The following SLC11A1 variants were observed in gnomAD, a reference collection of about 807,000 sequenced individuals.
SLC11A1 encodes solute carrier family 11 member 1.
Under a neutral mutation model 63.2 loss-of-function variants are expected in SLC11A1, and 59 were observed. The observed-to-expected ratio is 0.93, with a 90% CI of 0.76 to 1.16. The LOEUF (loss-of-function observed/expected upper bound fraction) is 1.16. Ranked by LOEUF, SLC11A1 falls within the 50% of genes most tolerant of loss-of-function variation. The pLI is 0.00. For synonymous variants in SLC11A1, 305 were observed against 307.8 expected (o/e 0.99, Z 0.09); for missense variants, 688 against 730.7 (o/e 0.94, Z 0.67).
At chr2:218,383,394 A>T in intron 2 of SLC11A1, 2 of 372,218 alleles carry the variant, frequency 5.4e-6, no homozygotes, top group East Asian at 9.6e-5. Flanking sequence ...AGGACATGTT[A>T]TAGCATTTAG....
At chr2:218,387,983 C>T (rs528282596) in intron 8 of SLC11A1, 28 bp downstream of exon 8, 1 of 1,563,698 alleles carries the variant, frequency 6.4e-7, no homozygotes. Flanking sequence ...GAAAGGAGAC[C>T]CCCTCACTCA....
intron 12 of SLC11A1, among the ~76,000 whole-genome samples, chr2:218,393,874 G>GT (rs1205779739): frequency 6.6e-6 from 1 of 151,962 alleles, no homozygotes; most frequent in Admixed American, 6.6e-5. Context: ...GATGCACTCA[G>GT]TTAAGTTACT....
chr2:218,393,453 G>A (rs978561146), intron 12 of SLC11A1, among the ~76,000 whole-genome samples: 14 of 150,492 alleles, frequency 9.3e-5, no homozygotes, highest in Non-Finnish European at 1.5e-4. Context: ...GACTATAGGT[G>A]CATGCCATCA....
chr2:218,391,464 CG>C lies in SLC11A1; in HGVS notation c.1136del (p.Gly379AlafsTer8). On this transcript the variant is annotated frameshift_variant, in exon 11 of 15. Coordinates refer to ENST00000233202, the MANE Select transcript of SLC11A1 (RefSeq NM_000578.4). LOFTEE classifies it high-confidence loss of function. ...LLAAGQSSTMTGTYAGQFVME... is the reference protein window; with the variant it reads ...LLAAGQSSTMXGTYAGQFVME... Reference sequence around the variant, plus strand: ...GCGGCTGGGCAGAGCTCCACCATGACGGGCACCTACGCGGGACAGTTCGTGA... The same window carrying C: ...GCGGCTGGGCAGAGCTCCACCATGACGGCACCTACGCGGGACAGTTCGTGA... 1 of 1,609,608 alleles carries C rather than the reference CG, an allele frequency of 6.2e-7. No homozygotes were observed. The highest frequency in any genetic ancestry group is 8.5e-7 in the Non-Finnish European group (1 of 1,178,074).
Position 218,395,094 on chromosome 2 carries a change from G to A in SLC11A1, c.*59G>A, listed in dbSNP as rs969333905. ...ATGACGTGACTGGCCTGCTGGATGTGGAGGGGGCGCGTGCAGGCAGCAGGA... is the reference window on the plus strand; with the variant it reads ...ATGACGTGACTGGCCTGCTGGATGTAGAGGGGGCGCGTGCAGGCAGCAGGA... On this transcript the variant is annotated 3_prime_UTR_variant, in exon 15 of 15. Transcript: ENST00000233202. 250 of 1,243,966 alleles carry A rather than the reference G, an allele frequency of 2.0e-4. No individual in the cohort carries two copies. The African/African-American group carries it at 5.4e-3, about 27-fold the overall frequency. The allele number at this position is 1,243,966 out of a possible 1,614,324, so 77.1% of individuals were successfully genotyped here.
At chr2:218,386,836 C>T (rs570403407) in intron 5 of SLC11A1, 95 bp downstream of exon 5, 1 of 884,308 alleles carries the variant, frequency 1.1e-6, no homozygotes, top group South Asian at 1.4e-5. Flanking sequence ...TCTATTTTAT[C>T]CTGCTGTCCC....
At chr2:218,389,314 G>A (rs2106334115) in intron 8 of SLC11A1, among the ~76,000 whole-genome samples, 1 of 151,654 alleles carries the variant, frequency 6.6e-6, no homozygotes, top group South Asian at 2.1e-4. Context: ...TGTAATCTCA[G>A]CATTTTAAGA....
Position 218,384,457 on chromosome 2 carries a change from G to A in SLC11A1, c.273+92G>A. The A allele has an allele frequency of 6.8e-7, 1 of 1,463,044 alleles. No homozygotes were observed. Among genetic ancestry groups the A allele is most frequent in the Non-Finnish European group, 9.3e-7 (1 of 1,079,084 alleles). 90.6% of individuals were successfully genotyped at this position (1,463,044 alleles called of 1,614,324 possible). A position where few individuals can be genotyped will look rare whatever the true frequency, so the allele number is the denominator to read the frequency against. On this transcript the variant is annotated intron_variant, in intron 3 of 14. Transcript: ENST00000233202. This position sits in a 1 kb window ranked among gnomAD's most constrained non-coding sequence, Gnocchi z 4.0. ...CCCCTGCTGGCCATGTTTCTCCAAT[G>A]TGGCCTGGGAGCTGGTGTTAAGTTC...
At chr2:218,392,707 A>G (rs949908970) in intron 11 of SLC11A1, 3 of 390,296 alleles carry the variant, frequency 7.7e-6, no homozygotes, top group Non-Finnish European at 1.4e-5. Flanking sequence ...AGATCCTGAC[A>G]GATGAGGTGA....
chr2:218,384,998 C>A lies in SLC11A1; in HGVS notation c.274-149C>A. ...TTAGCCTTTTAAAGTGCTGGGATTA[C>A]AGGGTGAGCTACCAGCGCCCAGCCA... On this transcript the variant is annotated intron_variant, in intron 3 of 14. Transcript: ENST00000233202. This position sits in a 1 kb window ranked among gnomAD's most constrained non-coding sequence, Gnocchi z 4.0. The A allele has an allele frequency of 1.0e-6, 1 of 981,118 alleles. No homozygotes were observed. Among genetic ancestry groups the A allele is most frequent in the South Asian group, 1.6e-5 (1 of 64,168 alleles). The allele number at this position is 981,118 out of a possible 1,614,324, so 60.8% of individuals were successfully genotyped here.
At chr2:218,393,894 G>A (rs551911509) in intron 12 of SLC11A1, among the ~76,000 whole-genome samples, 2 of 152,044 alleles carry the variant, frequency 1.3e-5, no homozygotes, top group Non-Finnish European at 2.9e-5. Flanking sequence ...TAGTGGCAGG[G>A]CTTGGATTCA....
Position 218,385,207 on chromosome 2 carries a change from C to A in SLC11A1, c.334C>A (p.Arg112Ser), listed in dbSNP as rs370095260. The A allele has an allele frequency of 6.2e-7, 1 of 1,614,028 alleles. No homozygotes were observed. Residue 112 changes from arginine (R) to serine (S), a missense_variant, in exon 4 of 15, where the codon CGT (arginine) becomes AGT (serine). Physicochemically the swap from Arg to Ser is moderately radical, Grantham distance 110 (BLOSUM62 -1). Transcript: ENST00000233202. ...LGLLCQRLAA[R>S]LGVVTGKDLG... ...CTTGCTCTGCCAGCGACTGGCTGCA[C>A]GTCTGGGCGTGGTGACAGGCAAGGA... is the stretch of plus-strand genomic sequence containing the variant.
In SLC11A1 at chr2:218,396,445, G is replaced by A. The variant is rs574282017; in HGVS notation, c.*1410G>A. 2 of 152,570 alleles carry A rather than the reference G, an allele frequency of 1.3e-5. No homozygotes were observed. Among genetic ancestry groups the A allele is most frequent in the Non-Finnish European group, 2.9e-5 (2 of 68,092 alleles). The allele number at this position is 152,570 out of a possible 1,614,324, so 9.5% of individuals were successfully genotyped here. The stretch of plus-strand genomic sequence containing the variant: ...TTCCCTAGAGTTGAACCTGGGCCGG[G>A]TGTTGCACCTGGAAGAACCCCCGAT... On this transcript the variant is annotated 3_prime_UTR_variant, in exon 15 of 15. Coordinates refer to ENST00000233202, the MANE Select transcript of SLC11A1 (RefSeq NM_000578.4).
intron 13 of SLC11A1, 171 bp from the exon 14 acceptor site, chr2:218,394,461 G>A: frequency 1.3e-6 from 1 of 773,396 alleles, no homozygotes; most frequent in East Asian, 2.7e-5. Context: ...AGCCTGGAGG[G>A]CCCAGGAGGC....
chr2:218,391,708 TC>T, intron 11 of SLC11A1: 3 of 527,818 alleles, frequency 5.7e-6, no homozygotes, highest in East Asian at 7.4e-5. Flanking sequence ...CACTGCAACC[TC>T]CCCCTCCCAG....
Position 218,387,864 on chromosome 2 carries a change from G to T in SLC11A1, c.704G>T (p.Gly235Val). Residue 235 changes from glycine to valine, a missense_variant, in exon 8 of 15, where the codon GGC (glycine) becomes GTC (valine). Coordinates refer to ENST00000233202, the MANE Select transcript of SLC11A1 (RefSeq NM_000578.4). ...LRGLFLPSCPGCGHPELLQAV... is the reference protein window; with the variant it reads ...LRGLFLPSCPVCGHPELLQAV... ...GGCCTGTTCCTGCCCTCGTGCCCGGGCTGCGGCCACCCCGAGCTGCTGCAG... is the reference window on the plus strand; with the variant it reads ...GGCCTGTTCCTGCCCTCGTGCCCGGTCTGCGGCCACCCCGAGCTGCTGCAG... The T allele has an allele frequency of 6.2e-7, 1 of 1,602,064 alleles. No individual in the cohort carries two copies.
chr2:218,391,602 T>G, intron 11 of SLC11A1, 107 bp downstream of exon 11: 4 of 1,298,910 alleles, frequency 3.1e-6, no homozygotes, highest in Non-Finnish European at 4.1e-6. Flanking sequence ...TTTCTTTCTT[T>G]TCTTCCTTTT....
At chr2:218,390,446 G>A (rs571689868) in intron 9 of SLC11A1, among the ~76,000 whole-genome samples, 1 of 152,316 alleles carries the variant, frequency 6.6e-6, no homozygotes, top group African/African-American at 2.4e-5. Context: ...AAAGGAACTA[G>A]CCAGCTCCTC....
In SLC11A1 at chr2:218,393,030, G is replaced by T; in HGVS notation, c.1214G>T (p.Arg405Leu). The part of the protein sequence containing the change: ...WSRFARVLLT[R>L]SCAILPTVLV... ...CGCTTCGCCCGTGTCCTCCTCACCC[G>T]CTCCTGCGCCATCCTGCCCACCGTG... Residue 405 changes from arginine (R) to leucine (L), a missense_variant, in exon 12 of 15, where the codon CGC (arginine) becomes CTC (leucine). Arg to Leu is a moderately radical substitution (Grantham distance 102). Transcript: ENST00000233202. 1 of 1,598,456 alleles carries T rather than the reference G, an allele frequency of 6.3e-7. No homozygotes were observed.
Sources: gnomAD v4.1 joint callset for allele counts (sites outside exome capture counted in the v4.1 genomes callset) on GRCh38, gnomAD v4.1.1 for gene constraint, Gnocchi (gnomAD v3.1) non-coding constraint, MANE v1.5 for transcripts, NCBI Gene and HGNC (gene_info 2026-07-23, HGNC 2026-07-21) for gene names.